METTL15: variants seen among roughly 807,000 people sequenced by gnomAD.
The protein encoded by METTL15 is methyltransferase 15, mitochondrial 12S rRNA N4-cytidine, also known as 12S rRNA N(4)-cytidine methyltransferase METTL15.
METTL15 carries 34 observed loss-of-function variants against 38.3 expected under a neutral mutation model. The observed-to-expected ratio is 0.89, with a 90% confidence interval of 0.68 to 1.18. The LOEUF (loss-of-function observed/expected upper bound fraction) is 1.18, where lower values mean the gene tolerates loss of function less well. METTL15 is among the 50% of genes most tolerant of loss of function. The pLI is 0.00. For missense variants in METTL15, 438 were observed against 498.4 expected (o/e 0.88, Z 1.15); for synonymous variants, 162 against 170.9 (o/e 0.95, Z 0.41).
chr11:28,452,584 T>C (rs757720019), intron 6 of METTL15, among the ~76,000 whole-genome samples: 2 of 152,116 alleles, frequency 1.3e-5, no homozygotes, highest in Non-Finnish European at 2.9e-5. Flanking sequence ...AGAAGACATG[T>C]CTACTTTAGA....
chr11:28,373,414 G>A (rs538959212), intron 5 of METTL15, among the ~76,000 whole-genome samples: 6 of 152,092 alleles, frequency 3.9e-5, no homozygotes, highest in Admixed American at 3.9e-4. Flanking sequence ...CTGCATAAAT[G>A]TCTTCTTTTG....
At chr11:28,355,332 G>T (rs1055302632) in intron 4 of METTL15, among the ~76,000 whole-genome samples, 35 of 152,130 alleles carry the variant, frequency 2.3e-4, no homozygotes, top group African/African-American at 8.4e-4. Context: ...CAATCCAAGA[G>T]CCTGGGGGAA....
At chr11:28,226,148 T>C (rs1853467623) in intron 4 of METTL15, among the ~76,000 whole-genome samples, 1 of 151,964 alleles carries the variant, frequency 6.6e-6, no homozygotes, top group African/African-American at 2.4e-5. Flanking sequence ...AGTATATACA[T>C]CAAGCAATAG....
chr11:28,116,621 G>A (rs1851971973), intron 3 of METTL15, among the ~76,000 whole-genome samples: 1 of 152,140 alleles, frequency 6.6e-6, no homozygotes, highest in Admixed American at 6.5e-5. Context: ...TGTATAAGGT[G>A]TACTACAATG....
intron 5 of METTL15, among the ~76,000 whole-genome samples, chr11:28,382,763 A>T (rs1379616424): frequency 6.6e-6 from 1 of 151,860 alleles, no homozygotes; most frequent in Non-Finnish European, 1.5e-5. Context: ...TGAACCCAGG[A>T]GGCAGAGGTT....
intron 4 of METTL15, among the ~76,000 whole-genome samples, chr11:28,237,734 T>G (rs1399637172): frequency 6.6e-6 from 1 of 152,226 alleles, no homozygotes; most frequent in Non-Finnish European, 1.5e-5. Flanking sequence ...TTTGGTGGTT[T>G]TATCTACTTT....
At chr11:28,390,164 G>C (rs1414597246) in intron 5 of METTL15, among the ~76,000 whole-genome samples, 27 of 151,724 alleles carry the variant, frequency 1.8e-4, no homozygotes, top group Admixed American at 3.3e-4. Flanking sequence ...AAAATTTTCT[G>C]CCATTCTGTA....
intron 4 of METTL15, among the ~76,000 whole-genome samples, chr11:28,278,266 G>C (rs538168675): frequency 2.6e-5 from 4 of 152,296 alleles, no homozygotes; most frequent in Non-Finnish European, 5.9e-5. Context: ...ACATTTTTAT[G>C]TGACAATTAT....
intron 6 of METTL15, among the ~76,000 whole-genome samples, chr11:28,469,017 A>AT (rs1270629570): frequency 6.6e-6 from 1 of 152,180 alleles, no homozygotes; most frequent in Non-Finnish European, 1.5e-5. Context: ...CTTTTAAAAG[A>AT]TTTTAAAAGA....
chr11:28,400,655 G>A, intron 5 of METTL15, among the ~76,000 whole-genome samples: 1 of 151,880 alleles, frequency 6.6e-6, no homozygotes, highest in Admixed American at 6.6e-5. Flanking sequence ...CTTGCTCAGT[G>A]GTCTATACAG....
At chr11:28,492,494 A>G (rs1292343691) in intron 6 of METTL15, among the ~76,000 whole-genome samples, 1 of 149,954 alleles carries the variant, frequency 6.7e-6, no homozygotes, top group Non-Finnish European at 1.5e-5. Context: ...TCAGAAATTG[A>G]TAAATTTTAG....
chr11:28,165,844 A>T (rs1005560389), intron 3 of METTL15, among the ~76,000 whole-genome samples: 1 of 152,096 alleles, frequency 6.6e-6, no homozygotes, highest in Non-Finnish European at 1.5e-5. Context: ...GTCTCAGATA[A>T]AGATCCACTT....
At chr11:28,416,387 C>G (rs1370359016) in intron 5 of METTL15, among the ~76,000 whole-genome samples, 1 of 152,198 alleles carries the variant, frequency 6.6e-6, no homozygotes, top group Non-Finnish European at 1.5e-5. Flanking sequence ...GAAGCAAGCT[C>G]AGGGCCATTT....
intron 5 of METTL15, among the ~76,000 whole-genome samples, chr11:28,396,646 A>G (rs1283109215): frequency 2.6e-5 from 4 of 152,064 alleles, no homozygotes; most frequent in Non-Finnish European, 5.9e-5. Context: ...AATCAATATC[A>G]TGAAAATGGC....
At chr11:28,284,033 A>G (rs1201997417) in intron 4 of METTL15, among the ~76,000 whole-genome samples, 2 of 152,168 alleles carry the variant, frequency 1.3e-5, no homozygotes, top group Non-Finnish European at 2.9e-5. Context: ...GTAATTGCAT[A>G]TATGAGATAA....
At chr11:28,139,119 G>T (rs1267962084) in intron 3 of METTL15, among the ~76,000 whole-genome samples, 3 of 152,122 alleles carry the variant, frequency 2.0e-5, no homozygotes, top group African/African-American at 7.2e-5. Context: ...CTTCCCCTGA[G>T]CTCACTTTTA....
chr11:28,409,158 G>A (rs894148970), intron 5 of METTL15, among the ~76,000 whole-genome samples: 2 of 151,920 alleles, frequency 1.3e-5, no homozygotes, highest in African/African-American at 2.4e-5. Flanking sequence ...TGAGGTGGGC[G>A]GATCACGAGG....
downstream of METTL15, among the ~76,000 whole-genome samples, chr11:28,333,664 TATTA>T (rs781397706): frequency 5.6e-4 from 85 of 152,066 alleles, no homozygotes; most frequent in Non-Finnish European, 1.1e-3. Flanking sequence ...TAAAATTGTA[TATTA>T]ATTACTATGT....
At chr11:28,320,585 C>T (rs954283331) in intron 6 of METTL15, among the ~76,000 whole-genome samples, 1 of 151,856 alleles carries the variant, frequency 6.6e-6, no homozygotes, top group African/African-American at 2.4e-5. Context: ...AATACCTGTG[C>T]AGAAAGGTGC....
Sources: allele counts gnomAD v4.1 joint callset (sites outside exome capture counted in the v4.1 genomes callset), GRCh38; gene constraint gnomAD v4.1.1; transcripts MANE v1.5; gene names NCBI Gene and HGNC (gene_info 2026-07-23, HGNC 2026-07-21).